The following MBNL2 variants were observed in gnomAD, a reference collection of about 807,000 sequenced individuals.
MBNL2 encodes the protein muscleblind-like protein 2.
A neutral mutation model predicts 41.9 loss-of-function variants in MBNL2; 17 were observed. The ratio of observed to expected loss-of-function variants is 0.41; its 90% CI spans 0.28 to 0.61. MBNL2 has a LOEUF of 0.61. Among genes scored for constraint, MBNL2 ranks in the 20% least tolerant of loss-of-function variants. MBNL2 has a pLI of 0.35. For synonymous variants in MBNL2, 195 were observed against 182.9 expected (o/e 1.07, Z -0.53); for missense variants, 336 against 505.6 (o/e 0.66, Z 3.22).
the MBNL2 span, among the ~76,000 whole-genome samples, chr13:97,144,955 C>T: frequency 6.6e-6 from 1 of 152,130 alleles, no homozygotes; most frequent in Non-Finnish European, 1.5e-5. Flanking sequence ...ATATTTGAAC[C>T]CTCTAAACTT....
chr13:97,344,264 T>C (rs912487485), intron 4 of MBNL2, among the ~76,000 whole-genome samples: 2 of 152,212 alleles, frequency 1.3e-5, no homozygotes, highest in Admixed American at 1.3e-4. Context: ...TAATCAGAGC[T>C]GTAGAACTCA....
At chr13:97,359,801 C>A (rs893127290) in intron 7 of MBNL2, among the ~76,000 whole-genome samples, 1 of 152,080 alleles carries the variant, frequency 6.6e-6, no homozygotes, top group Non-Finnish European at 1.5e-5. Flanking sequence ...AGTGAACAAG[C>A]ATGTGGATCT....
chr13:97,172,142 A>T, the MBNL2 span, among the ~76,000 whole-genome samples: 2 of 152,130 alleles, frequency 1.3e-5, no homozygotes, highest in Non-Finnish European at 2.9e-5. Flanking sequence ...TTTTTGTGGT[A>T]TCCACCAGGA....
the MBNL2 span, among the ~76,000 whole-genome samples, chr13:97,181,779 C>T: frequency 1.2e-4 from 19 of 152,282 alleles, no homozygotes; most frequent in South Asian, 3.3e-3. Context: ...GACATTGTTA[C>T]AGCCTCAATA....
At chr13:97,165,670 G>A in the MBNL2 span, among the ~76,000 whole-genome samples, 4 of 152,298 alleles carry the variant, frequency 2.6e-5, no homozygotes, top group Admixed American at 2.6e-4. Flanking sequence ...CACTCAACAA[G>A]TCAAACATCT....
rs185640925 is a variant in MBNL2 at position 97,279,805 on chromosome 13, T to C, written c.174+3396T>C. On this transcript the variant is annotated intron_variant, in intron 2 of 8. Coordinates refer to ENST00000679496, the MANE Select transcript of MBNL2 (RefSeq NM_001382683.1). ...TTCCGTAAGTATGTACTAAATTTGTTGGTGGAAAGTGATTTGCTGAGTTCT... is the reference window on the plus strand; with the variant it reads ...TTCCGTAAGTATGTACTAAATTTGTCGGTGGAAAGTGATTTGCTGAGTTCT... 2.2e-3 allele frequency among the ~76,000 whole-genome samples: 339 copies of C among 152,308 alleles called. 1 individual carries two copies. Among genetic ancestry groups the C allele is most frequent in the African/African-American group, 7.3e-3 (305 of 41,574 alleles).
the MBNL2 span, among the ~76,000 whole-genome samples, chr13:97,163,791 G>T: frequency 6.6e-6 from 1 of 151,962 alleles, no homozygotes; most frequent in South Asian, 2.1e-4. Context: ...CACTGTGATG[G>T]GTGTCCTTAT....
chr13:97,181,908 G>A, the MBNL2 span, among the ~76,000 whole-genome samples: 4 of 152,140 alleles, frequency 2.6e-5, no homozygotes, highest in African/African-American at 9.7e-5. Flanking sequence ...AAGTTTTAGT[G>A]CCCAAGAAAG....
At chr13:97,367,252 C>T (rs1054697925) in intron 8 of MBNL2, among the ~76,000 whole-genome samples, 5 of 152,302 alleles carry the variant, frequency 3.3e-5, no homozygotes, top group Middle Eastern at 3.4e-3. Flanking sequence ...GCTGCTATTT[C>T]CTACTCTGTG....
the MBNL2 span, among the ~76,000 whole-genome samples, chr13:97,195,160 A>G: frequency 6.6e-6 from 1 of 152,152 alleles, no homozygotes; most frequent in Non-Finnish European, 1.5e-5. Flanking sequence ...AGCCATATCA[A>G]TCTGGAGGCG....
intron 5 of MBNL2, among the ~76,000 whole-genome samples, chr13:97,353,329 A>G (rs2062673332): frequency 6.6e-6 from 1 of 152,260 alleles, no homozygotes; most frequent in Non-Finnish European, 1.5e-5. Context: ...AAACCAGCCT[A>G]GGTGCTGTTG....
In MBNL2 at chr13:97,222,674, G is replaced by A. The variant is rs555683700; in HGVS notation, c.-605+143G>A. 1.0e-5 allele frequency: 4 copies of A among 390,316 alleles called. No homozygotes were observed. The East Asian group carries it at 1.5e-4, about 14-fold the overall frequency. The allele number at this position is 390,316 out of a possible 1,614,324, so 24.2% of individuals were successfully genotyped here. ...CTTGCGGGGGACCCTGGAGTTTTACGTAACATTTTGATTTGAGAAAAAGAA... is the reference window on the plus strand; with the variant it reads ...CTTGCGGGGGACCCTGGAGTTTTACATAACATTTTGATTTGAGAAAAAGAA... On this transcript the variant is annotated intron_variant, in intron 1 of 8. Transcript: ENST00000679496.
intron 2 of MBNL2, among the ~76,000 whole-genome samples, chr13:97,319,593 C>T (rs9584546): frequency 0.021 from 3,142 of 152,282 alleles, 119 homozygotes; most frequent in African/African-American, 0.071. Flanking sequence ...GTAAAAGCAA[C>T]TCCAAATTAA....
At chr13:97,358,261 A>G (rs931107171) in intron 7 of MBNL2, among the ~76,000 whole-genome samples, 2 of 152,164 alleles carry the variant, frequency 1.3e-5, no homozygotes, top group African/African-American at 4.8e-5. Flanking sequence ...TTAGAGTTTA[A>G]AGGACTCTTA....
At chr13:97,386,143 G>A (rs570472382) in intron 8 of MBNL2, among the ~76,000 whole-genome samples, 2 of 152,354 alleles carry the variant, frequency 1.3e-5, no homozygotes, top group African/African-American at 4.8e-5. Flanking sequence ...TCTGAAAGTT[G>A]TAGGACTAAC....
At chr13:97,211,799 T>A in the MBNL2 span, among the ~76,000 whole-genome samples, 1 of 152,230 alleles carries the variant, frequency 6.6e-6, no homozygotes, top group African/African-American at 2.4e-5. Context: ...AAATAAAGAT[T>A]AAAATTTCAT....
the MBNL2 span, among the ~76,000 whole-genome samples, chr13:97,156,641 A>G: frequency 1.7e-4 from 24 of 143,868 alleles, no homozygotes; most frequent in East Asian, 4.9e-3. Context: ...AGCACCATTT[A>G]TTAAATAGGG....
intron 8 of MBNL2, among the ~76,000 whole-genome samples, chr13:97,365,868 A>T (rs1165461655): frequency 1.3e-5 from 2 of 152,206 alleles, no homozygotes; most frequent in African/African-American, 4.8e-5. Context: ...GAGTAACTGT[A>T]TTAGAATTTG....
At chr13:97,173,854 C>A in the MBNL2 span, among the ~76,000 whole-genome samples, 1 of 152,122 alleles carries the variant, frequency 6.6e-6, no homozygotes, top group Non-Finnish European at 1.5e-5. Flanking sequence ...TTATCGGATA[C>A]CTCCATTCCT....
Sources: allele counts gnomAD v4.1 joint callset (sites outside exome capture counted in the v4.1 genomes callset), GRCh38; gene constraint gnomAD v4.1.1; transcripts MANE v1.5; gene names NCBI Gene and HGNC (gene_info 2026-07-23, HGNC 2026-07-21).